The following XPR1 variants were observed in gnomAD, a reference collection of about 807,000 sequenced individuals.
The protein encoded by XPR1 is solute carrier family 53 member 1.
A neutral mutation model predicts 87.5 loss-of-function variants in XPR1; 28 were observed. The ratio of observed to expected loss-of-function variants is 0.32; its 90% CI spans 0.24 to 0.44. The LOEUF is 0.44. Ranked by LOEUF, XPR1 falls within the 20% of genes least tolerant of loss-of-function variation. The pLI, the probability that XPR1 is intolerant of heterozygous loss-of-function variation, is 1.00. For synonymous variants in XPR1, 300 were observed against 306.1 expected, an observed-to-expected ratio of 0.98 and a Z score of 0.21; for missense variants, 559 against 862.3, an observed-to-expected ratio of 0.65 and a Z score of 4.41.
intron 2 of XPR1, among the ~76,000 whole-genome samples, chr1:180,776,297 ATTTC>A (rs767991830): frequency 2.0e-5 from 3 of 152,132 alleles, no homozygotes; most frequent in Non-Finnish European, 4.4e-5. Flanking sequence ...TGTTAACAAT[ATTTC>A]TTAACATTTA....
intron 2 of XPR1, among the ~76,000 whole-genome samples, chr1:180,757,937 A>G (rs1290430395): frequency 6.8e-6 from 1 of 147,948 alleles, no homozygotes; most frequent in Non-Finnish European, 1.5e-5. Flanking sequence ...TAAGAAAAAG[A>G]GGAAGCCTTT....
rs181553249 is a variant in XPR1 at position 180,833,449 on chromosome 1, C to T, written c.1135-1425C>T. Among the ~76,000 whole-genome samples the T allele has an allele frequency of 1.0e-3, 158 of 151,780 alleles. 1 individual carries two copies. The highest frequency in any genetic ancestry group is 3.6e-3 in the African/African-American group (147 of 41,340). ...AAGAGACCCATCTCACATGCAAAGACACACATAGGCTCAAAATAAAGGGCT... is the reference window on the plus strand; with the variant it reads ...AAGAGACCCATCTCACATGCAAAGATACACATAGGCTCAAAATAAAGGGCT... On this transcript the variant is annotated intron_variant, in intron 9 of 14. Transcript: ENST00000367590.
chr1:180,739,185 C>T (rs897773775), intron 2 of XPR1, among the ~76,000 whole-genome samples: 3 of 152,076 alleles, frequency 2.0e-5, no homozygotes, highest in Non-Finnish European at 2.9e-5. Context: ...ATCAATTTAC[C>T]GTATTTGTTT....
intron 2 of XPR1, among the ~76,000 whole-genome samples, chr1:180,729,169 T>A (rs1321378805): frequency 6.6e-6 from 1 of 152,222 alleles, no homozygotes; most frequent in African/African-American, 2.4e-5. Context: ...AAGGACATGA[T>A]CTCATTACTT....
Position 180,759,898 on chromosome 1 carries a change from T to G in XPR1, c.122-27855T>G, listed in dbSNP as rs182569391. 4.6e-4 allele frequency among the ~76,000 whole-genome samples: 70 copies of G among 152,206 alleles called. 1 individual carries two copies. The highest frequency in any genetic ancestry group is 1.6e-3 in the African/African-American group (67 of 41,508). The stretch of plus-strand genomic sequence containing the variant: ...CTGACAAACCGAATCCAGCAGCACA[T>G]CAAAAAGCTTATCCACCATGATCAA... On this transcript the variant is annotated intron_variant, in intron 2 of 14. Transcript: ENST00000367590.
chr1:180,859,405 A>C (rs1296815902), intron 11 of XPR1, among the ~76,000 whole-genome samples: 1 of 152,188 alleles, frequency 6.6e-6, no homozygotes, highest in African/African-American at 2.4e-5. Flanking sequence ...CTTAGAGTAG[A>C]ATAGCAATGA....
chr1:180,736,429 T>C (rs1258102499), intron 2 of XPR1, among the ~76,000 whole-genome samples: 1 of 152,166 alleles, frequency 6.6e-6, no homozygotes, highest in African/African-American at 2.4e-5. Flanking sequence ...GAGTTTCAGA[T>C]ACATTGTTTT....
At chr1:180,699,347 A>C (rs1657278990) in intron 2 of XPR1, among the ~76,000 whole-genome samples, 1 of 109,092 alleles carries the variant, frequency 9.2e-6, no homozygotes, top group East Asian at 2.7e-4. Flanking sequence ...TATATCTCCC[A>C]ATGCTATCCC....
intron 11 of XPR1, among the ~76,000 whole-genome samples, chr1:180,841,552 G>C (rs150628061): frequency 6.6e-6 from 1 of 152,270 alleles, no homozygotes; most frequent in East Asian, 1.9e-4. Context: ...TTGCTGACTA[G>C]AGCTGCTATA....
intron 13 of XPR1, among the ~76,000 whole-genome samples, chr1:180,879,340 C>A (rs1401856650): frequency 3.9e-5 from 6 of 152,222 alleles, no homozygotes; most frequent in Admixed American, 2.6e-4. Flanking sequence ...CAAATCACTT[C>A]ATTCTCCTGT....
At chr1:180,791,566 CTTTAT>C (rs1246625086) in intron 3 of XPR1, among the ~76,000 whole-genome samples, 2 of 141,668 alleles carry the variant, frequency 1.4e-5, no homozygotes, top group East Asian at 1.9e-4. Flanking sequence ...CATGTAGATA[CTTTAT>C]TTTGAGTTAT....
chr1:180,651,769 C>A (rs897032031), intron 1 of XPR1, among the ~76,000 whole-genome samples: 33 of 151,986 alleles, frequency 2.2e-4, no homozygotes, highest in African/African-American at 6.3e-4. Context: ...TGTTTATAAC[C>A]ATATAGGAAA....
At chr1:180,727,311 CA>C (rs746813584) in intron 2 of XPR1, among the ~76,000 whole-genome samples, 4 of 151,934 alleles carry the variant, frequency 2.6e-5, no homozygotes, top group Non-Finnish European at 5.9e-5. Flanking sequence ...GGATCTTGCG[CA>C]AGAAAGAATG....
At chr1:180,635,021 CT>C (rs1049459271) in intron 1 of XPR1, among the ~76,000 whole-genome samples, 3 of 151,958 alleles carry the variant, frequency 2.0e-5, no homozygotes, top group African/African-American at 7.2e-5. Context: ...CTTTTAATGG[CT>C]TTTATTCCTT....
intron 3 of XPR1, among the ~76,000 whole-genome samples, chr1:180,792,094 A>G (rs542729257): frequency 3.5e-4 from 53 of 152,186 alleles, no homozygotes; most frequent in African/African-American, 1.3e-3. Context: ...CCTCAACAGT[A>G]TCTTTTTTCC....
intron 7 of XPR1, among the ~76,000 whole-genome samples, chr1:180,823,096 C>A (rs1186177105): frequency 6.6e-6 from 1 of 152,068 alleles, no homozygotes; most frequent in Non-Finnish European, 1.5e-5. Context: ...AAAAAATTAG[C>A]TGGGTGTGGC....
chr1:180,854,398 G>T (rs1455365709), intron 11 of XPR1, among the ~76,000 whole-genome samples: 2 of 152,232 alleles, frequency 1.3e-5, no homozygotes, highest in African/African-American at 4.8e-5. Context: ...CAAATGTGTG[G>T]TGAGTAAACA....
At chr1:180,817,837 A>G (rs554138161) in intron 7 of XPR1, among the ~76,000 whole-genome samples, 3 of 152,340 alleles carry the variant, frequency 2.0e-5, no homozygotes, top group East Asian at 3.8e-4. Flanking sequence ...TGCTTGTAAT[A>G]TGCTGTGTTC....
At chr1:180,815,168 T>C (rs1341887295) in intron 7 of XPR1, among the ~76,000 whole-genome samples, 1 of 152,142 alleles carries the variant, frequency 6.6e-6, no homozygotes, top group Non-Finnish European at 1.5e-5. Flanking sequence ...ATGAGCATGG[T>C]GGTATTATCA....
Sources: allele counts gnomAD v4.1 joint callset (sites outside exome capture counted in the v4.1 genomes callset), GRCh38; gene constraint gnomAD v4.1.1; transcripts MANE v1.5; gene names NCBI Gene and HGNC (gene_info 2026-07-23, HGNC 2026-07-21).